The following FRYL variants were observed in gnomAD, a reference collection of about 807,000 sequenced individuals.
FRYL encodes the protein protein furry homolog-like.
FRYL carries 150 observed loss-of-function variants against 351.2 expected under a neutral mutation model. The observed-to-expected ratio is 0.43, with a 90% CI of 0.37 to 0.49. FRYL has a LOEUF of 0.49. Ranked by LOEUF, FRYL falls within the 20% of genes least tolerant of loss-of-function variation. The pLI, the probability that FRYL is intolerant of heterozygous loss-of-function variation, is 0.00. For missense variants in FRYL, 3,036 were observed against 3,619.3 expected (o/e 0.84, Z 4.13); for synonymous variants, 1,153 against 1,257.1 (o/e 0.92, Z 1.75).
chr4:48,542,292 G>A (rs1396749640), intron 44 of FRYL, among the ~76,000 whole-genome samples, 171 bp from the exon 45 acceptor site: 1 of 152,236 alleles, frequency 6.6e-6, no homozygotes, highest in Non-Finnish European at 1.5e-5. Context: ...AATCAATGGT[G>A]TATAAATTGA....
chr4:48,591,270 A>G (rs1332476357), intron 16 of FRYL, among the ~76,000 whole-genome samples: 1 of 152,178 alleles, frequency 6.6e-6, no homozygotes, highest in Non-Finnish European at 1.5e-5. Context: ...ATAGTGAGGG[A>G]GTGACAGTCT....
At chr4:48,709,968 G>T (rs182262489) in intron 2 of FRYL, among the ~76,000 whole-genome samples, 1 of 152,058 alleles carries the variant, frequency 6.6e-6, no homozygotes, top group Non-Finnish European at 1.5e-5. Context: ...TCCCATTTCT[G>T]CTCAATTTTA....
intron 4 of FRYL, among the ~76,000 whole-genome samples, chr4:48,626,422 T>C (rs1751841462): frequency 6.6e-6 from 1 of 152,146 alleles, no homozygotes; most frequent in South Asian, 2.1e-4. Flanking sequence ...TTAACCAATA[T>C]AATTAATCAA....
At chr4:48,688,919 C>G (rs1765424271) in intron 2 of FRYL, among the ~76,000 whole-genome samples, 1 of 152,124 alleles carries the variant, frequency 6.6e-6, no homozygotes, top group Non-Finnish European at 1.5e-5. Context: ...CCACCTCAGC[C>G]TCCCAAAGTG....
intron 2 of FRYL, among the ~76,000 whole-genome samples, chr4:48,705,568 A>AAC (rs1767248791): frequency 1.3e-5 from 2 of 151,704 alleles, no homozygotes; most frequent in African/African-American, 4.8e-5. Context: ...AAAAAAAAAA[A>AAC]AACAAAGTTT....
At chr4:48,699,716 TC>T (rs569834250) in intron 2 of FRYL, among the ~76,000 whole-genome samples, 181 of 152,246 alleles carry the variant, frequency 1.2e-3, no homozygotes, top group African/African-American at 4.1e-3. Context: ...TCCACATAAA[TC>T]GCCCTTCTTC....
At chr4:48,716,090 G>T (rs1429304905) in intron 1 of FRYL, among the ~76,000 whole-genome samples, 4 of 152,190 alleles carry the variant, frequency 2.6e-5, no homozygotes, top group Non-Finnish European at 5.9e-5. Flanking sequence ...AGCAGAATCT[G>T]GATCCCTTCC....
chr4:48,564,076 A>C lies in FRYL; in HGVS notation c.3468T>G (p.Val1156=). Reference sequence around the variant, plus strand: ...CAGGGTTCAGCTCCAGTAACAACGTAACTGCTTCACAGCCCAGCTGGTGAA... The same window carrying C: ...CAGGGTTCAGCTCCAGTAACAACGTCACTGCTTCACAGCCCAGCTGGTGAA... ...KKVHQLGCEA[V]TLLLELNPDQ... The change falls in exon 31 of 64, where the codon GTT becomes GTG. Residue 1156 remains valine (V), a synonymous_variant. Coordinates refer to ENST00000358350, the MANE Select transcript of FRYL (RefSeq NM_015030.2). The C allele has an allele frequency of 6.2e-7, 1 of 1,614,144 alleles. No individual in the cohort carries two copies.
intron 3 of FRYL, among the ~76,000 whole-genome samples, chr4:48,684,139 T>C (rs1210972135): frequency 1.3e-5 from 2 of 152,226 alleles, no homozygotes; most frequent in Non-Finnish European, 2.9e-5. Context: ...CCACAGATTT[T>C]TCTCTGATTT....
intron 28 of FRYL, among the ~76,000 whole-genome samples, chr4:48,566,460 T>G (rs1736810238): frequency 6.6e-6 from 1 of 152,218 alleles, no homozygotes; most frequent in South Asian, 2.1e-4. Flanking sequence ...TTTATATTAG[T>G]GAGCTTCAGA....
intron 2 of FRYL, among the ~76,000 whole-genome samples, chr4:48,685,917 C>T (rs1056435627): frequency 2.6e-5 from 4 of 152,096 alleles, no homozygotes; most frequent in Non-Finnish European, 5.9e-5. Context: ...CCACGCCCGG[C>T]TAATTTTTTG....
chr4:48,511,236 A>AT (rs1389962784), intron 57 of FRYL, among the ~76,000 whole-genome samples: 1 of 152,104 alleles, frequency 6.6e-6, no homozygotes, highest in Non-Finnish European at 1.5e-5. Flanking sequence ...TATTCCTGAG[A>AT]TTTTTTCATC....
intron 3 of FRYL, among the ~76,000 whole-genome samples, chr4:48,682,278 G>A (rs1349376590): frequency 2.0e-5 from 3 of 152,030 alleles, no homozygotes; most frequent in African/African-American, 7.3e-5. Context: ...AACTCTAGAT[G>A]GATTAAAGAC....
At chr4:48,628,186 G>T (rs1210445387) in intron 4 of FRYL, among the ~76,000 whole-genome samples, 1 of 152,178 alleles carries the variant, frequency 6.6e-6, no homozygotes, top group Non-Finnish European at 1.5e-5. Flanking sequence ...ATAAATGAAT[G>T]CAAAGATGTG....
At chr4:48,738,976 G>GAAC (rs1426789450) in intron 1 of FRYL, among the ~76,000 whole-genome samples, 2 of 152,130 alleles carry the variant, frequency 1.3e-5, no homozygotes, top group Non-Finnish European at 1.5e-5. Context: ...TGGAAGGAAA[G>GAAC]AACAAGGTTG....
rs1312743138 is a variant in FRYL, at chr4:48,777,041, TA to T, written c.-384+3036del. 6.1e-5 allele frequency among the ~76,000 whole-genome samples: 9 copies of T among 148,200 alleles called. No individual in the cohort carries two copies. In the East Asian group the frequency reaches 7.8e-4, roughly 13 times the overall value. On this transcript the variant is annotated intron_variant, in intron 1 of 63. Transcript: ENST00000358350. ...TGATTTGCTGGCTCTGGGTCTAATT[TA>T]AAAAAAAAACAAAAACTATTTAGAG...
chr4:48,554,655 T>C (rs1424342807), intron 35 of FRYL, among the ~76,000 whole-genome samples: 1 of 152,188 alleles, frequency 6.6e-6, no homozygotes, highest in African/African-American at 2.4e-5. Context: ...CTTATCATGG[T>C]TACCCAGTGA....
At chr4:48,727,916 C>G (rs1386545824) in intron 1 of FRYL, among the ~76,000 whole-genome samples, 1 of 152,136 alleles carries the variant, frequency 6.6e-6, no homozygotes, top group African/African-American at 2.4e-5. Context: ...TACTGTCCCA[C>G]CTAAGGGAGT....
At chr4:48,630,910 T>A (rs1471741295) in intron 4 of FRYL, among the ~76,000 whole-genome samples, 1 of 152,168 alleles carries the variant, frequency 6.6e-6, no homozygotes, top group East Asian at 1.9e-4. Context: ...TTCTTTAAAG[T>A]GACTCTGAAC....
Sources: allele counts gnomAD v4.1 joint callset (sites outside exome capture counted in the v4.1 genomes callset), GRCh38; gene constraint gnomAD v4.1.1; transcripts MANE v1.5; gene names NCBI Gene and HGNC (gene_info 2026-07-23, HGNC 2026-07-21).